CNTN1: variants seen among roughly 807,000 people sequenced by gnomAD.
The protein encoded by CNTN1 is contactin 1, also known as contactin-1.
In CNTN1, 38 loss-of-function variants were observed where a neutral mutation model predicts 126.4. The ratio of observed to expected loss-of-function variants is 0.30; its 90% confidence interval spans 0.23 to 0.39. The LOEUF is 0.39. CNTN1 is among the 10% of genes least tolerant of loss of function. The pLI, the probability that CNTN1 is intolerant of heterozygous loss-of-function variation, is 1.00. For synonymous variants in CNTN1, 413 were observed against 422.6 expected, an observed-to-expected ratio of 0.98 and a Z score of 0.28; for missense variants, 1,009 against 1,248.4, an observed-to-expected ratio of 0.81 and a Z score of 2.89.
chr12:40,773,692 TAC>T (rs371261546), intron 1 of CNTN1, among the ~76,000 whole-genome samples: 1 of 10,420 alleles, frequency 9.6e-5, no homozygotes, highest in African/African-American at 2.6e-4. Context: ...TATATATATA[TAC>T]ACATATATAT....
At chr12:41,039,818 T>C (rs184086352) in intron 23 of CNTN1, among the ~76,000 whole-genome samples, 41 of 152,208 alleles carry the variant, frequency 2.7e-4, no homozygotes, top group Admixed American at 2.7e-3. Flanking sequence ...AAAACAAGGA[T>C]TTATTACTTC....
chr12:41,007,003 G>A (rs1235483567), intron 17 of CNTN1, among the ~76,000 whole-genome samples: 1 of 146,370 alleles, frequency 6.8e-6, no homozygotes, highest in Non-Finnish European at 1.5e-5. Flanking sequence ...GAGAATCAAT[G>A]AAGAGGCCAT....
intron 1 of CNTN1, among the ~76,000 whole-genome samples, chr12:40,854,629 C>T (rs1942832735): frequency 6.6e-6 from 1 of 152,104 alleles, no homozygotes; most frequent in Admixed American, 6.6e-5. Context: ...GGCAGATCAG[C>T]AAGTGAAAGC....
At chr12:40,994,050 T>C (rs1212783025) in intron 17 of CNTN1, among the ~76,000 whole-genome samples, 1 of 152,132 alleles carries the variant, frequency 6.6e-6, no homozygotes, top group Middle Eastern at 3.2e-3. Context: ...AAAAAATATT[T>C]AATGTTGTCA....
chr12:40,773,686 TATATATACAC>T (rs1262189463), intron 1 of CNTN1, among the ~76,000 whole-genome samples: 14 of 8,476 alleles, frequency 1.7e-3, no homozygotes, highest in African/African-American at 4.5e-3. Context: ...CATATATATA[TATATATACAC>T]ATATATATAT....
intron 1 of CNTN1, among the ~76,000 whole-genome samples, chr12:40,733,544 A>T (rs1942549197): frequency 6.6e-6 from 1 of 151,972 alleles, no homozygotes. Context: ...ATCATGAGAT[A>T]AAGAAAGGCA....
At chr12:40,942,670 A>G (rs1946300347) in intron 12 of CNTN1, among the ~76,000 whole-genome samples, 2 of 152,136 alleles carry the variant, frequency 1.3e-5, no homozygotes, top group Non-Finnish European at 2.9e-5. Context: ...CAGAGCTTCC[A>G]TGATCTTAAA....
intron 1 of CNTN1, among the ~76,000 whole-genome samples, chr12:40,870,795 T>A (rs1456596444): frequency 1.3e-5 from 2 of 151,968 alleles, no homozygotes; most frequent in African/African-American, 4.8e-5. Context: ...CACAAATAAA[T>A]AAAAAGCTTA....
intron 11 of CNTN1, among the ~76,000 whole-genome samples, chr12:40,938,143 A>G (rs1592285869): frequency 6.6e-6 from 1 of 152,206 alleles, no homozygotes; most frequent in South Asian, 2.1e-4. Context: ...AAATATATGG[A>G]TGAAATCTGC....
intron 1 of CNTN1, among the ~76,000 whole-genome samples, chr12:40,904,721 G>A (rs1394647010): frequency 6.6e-6 from 1 of 152,090 alleles, no homozygotes; most frequent in Non-Finnish European, 1.5e-5. Flanking sequence ...TGAGCCACTG[G>A]ACCCAGACCC....
At chr12:40,845,474 G>A (rs780709047) in intron 1 of CNTN1, among the ~76,000 whole-genome samples, 9 of 152,106 alleles carry the variant, frequency 5.9e-5, no homozygotes, top group Non-Finnish European at 1.2e-4. Context: ...TTTATTGACA[G>A]AACAGAGTAC....
chr12:40,959,989 G>A (rs1359168144), intron 15 of CNTN1, among the ~76,000 whole-genome samples: 2 of 152,034 alleles, frequency 1.3e-5, no homozygotes, highest in Non-Finnish European at 2.9e-5. Context: ...TAACTTCCAT[G>A]TCAGTTGCTT....
At position 40,868,374 on chromosome 12, in the gene CNTN1, G is replaced by A. The variant is rs1943370787; in HGVS notation, c.-76-39983G>A. On this transcript the variant is annotated intron_variant, in intron 1 of 23. Transcript: ENST00000551295. ...ATCCAGTCTGTTAAACGGGATTACA[G>A]AGGATTACATCCTTGGTAGATGGGA... Among the ~76,000 whole-genome samples the A allele has an allele frequency of 2.0e-5, 3 of 152,244 alleles. No homozygotes were observed. In the South Asian group the frequency reaches 6.2e-4, roughly 32 times the overall value.
At chr12:40,986,785 A>G (rs1209307218) in intron 16 of CNTN1, among the ~76,000 whole-genome samples, 1 of 152,126 alleles carries the variant, frequency 6.6e-6, no homozygotes, top group Non-Finnish European at 1.5e-5. Flanking sequence ...TTCTGCCCCA[A>G]AACTTTCTTG....
rs1057523160 is a variant in CNTN1 at position 40,933,898 on chromosome 12, T to A, written c.985+20T>A. ...TTCAAGGTAGATACATTATTTTAAT[T>A]TTGTATAAATTTCATCAGTATCTTA... On this transcript the variant is annotated intron_variant, in intron 9 of 23. Transcript: ENST00000551295. The A allele has an allele frequency of 6.3e-7, 1 of 1,581,048 alleles. No individual in the cohort carries two copies. The highest frequency in any genetic ancestry group is 2.3e-5 in the East Asian group (1 of 44,300).
chr12:40,972,045 A>C, intron 15 of CNTN1: 1 of 986,216 alleles, frequency 1.0e-6, no homozygotes, highest in Non-Finnish European at 1.2e-6. Context: ...AATGAAAAGC[A>C]TTAGTAAACA....
intron 1 of CNTN1, among the ~76,000 whole-genome samples, chr12:40,837,555 C>T (rs1034617417): frequency 6.6e-6 from 1 of 152,154 alleles, no homozygotes; most frequent in African/African-American, 2.4e-5. Flanking sequence ...CACTGGGTCC[C>T]ACACCCTTTC....
chr12:40,895,980 A>G (rs1251226828), intron 1 of CNTN1: 2 of 151,002 alleles, frequency 1.3e-5, no homozygotes, highest in Non-Finnish European at 3.0e-5. Context: ...GTTAGCCAAG[A>G]TGGTCTCGAT....
chr12:40,821,243 A>G (rs1941431755), intron 1 of CNTN1, among the ~76,000 whole-genome samples: 1 of 152,220 alleles, frequency 6.6e-6, no homozygotes, highest in Non-Finnish European at 1.5e-5. Context: ...CTTCCTTAAT[A>G]TGTATCCAGA....
Sources: gnomAD v4.1 joint callset for allele counts (sites outside exome capture counted in the v4.1 genomes callset) on GRCh38, gnomAD v4.1.1 for gene constraint, MANE v1.5 for transcripts, NCBI Gene and HGNC (gene_info 2026-07-23, HGNC 2026-07-21) for gene names.